The following LUZP2 variants were observed in gnomAD, a reference collection of about 807,000 sequenced individuals.
LUZP2 encodes leucine zipper protein 2.
A neutral mutation model predicts 51.6 loss-of-function variants in LUZP2; 52 were observed. The observed-to-expected ratio is 1.01, with a 90% CI of 0.81 to 1.27. LUZP2 has a LOEUF of 1.27. Ranked by LOEUF, LUZP2 falls within the 50% of genes most tolerant of loss-of-function variation. The pLI, the probability that LUZP2 is intolerant of heterozygous loss-of-function variation, is 0.00. For missense variants in LUZP2, 436 were observed against 395.4 expected, an observed-to-expected ratio of 1.10 and a Z score of -0.87; for synonymous variants, 154 against 137.3, an observed-to-expected ratio of 1.12 and a Z score of -0.85.
At chr11:24,769,780 A>C (rs1231440467) in intron 5 of LUZP2, among the ~76,000 whole-genome samples, 1 of 149,086 alleles carries the variant, frequency 6.7e-6, no homozygotes, top group Non-Finnish European at 1.5e-5. Context: ...AATCACACTA[A>C]ATTCTCTTTT....
At chr11:24,635,098 G>A (rs1855037712) in intron 1 of LUZP2, among the ~76,000 whole-genome samples, 1 of 152,006 alleles carries the variant, frequency 6.6e-6, no homozygotes, top group South Asian at 2.1e-4. Flanking sequence ...CAATGTTAAT[G>A]AGATGGTTAC....
intron 5 of LUZP2, chr11:24,891,311 A>G: frequency 1.0e-6 from 1 of 966,556 alleles, no homozygotes; most frequent in Non-Finnish European, 1.2e-6. Flanking sequence ...ATTATAAGGA[A>G]GCCATATCAC....
intron 5 of LUZP2, among the ~76,000 whole-genome samples, chr11:24,813,694 G>A (rs1057317332): frequency 1.3e-5 from 2 of 152,226 alleles, no homozygotes; most frequent in Non-Finnish European, 2.9e-5. Context: ...TTCAACAGGA[G>A]ATTTGGGTGA....
intron 4 of LUZP2, among the ~76,000 whole-genome samples, chr11:24,745,953 C>T (rs746863328): frequency 9.9e-5 from 15 of 152,258 alleles, no homozygotes; most frequent in Middle Eastern, 3.4e-3. Flanking sequence ...GCTGGAATTA[C>T]AGGCATGAGC....
At chr11:24,520,903 C>G (rs1428738247) in intron 1 of LUZP2, among the ~76,000 whole-genome samples, 1 of 152,158 alleles carries the variant, frequency 6.6e-6, no homozygotes, top group East Asian at 1.9e-4. Flanking sequence ...GGGTTGCAGA[C>G]AAGTCAAGAG....
chr11:24,895,581 T>G (rs564964949), intron 5 of LUZP2, among the ~76,000 whole-genome samples: 2 of 152,326 alleles, frequency 1.3e-5, no homozygotes, highest in South Asian at 2.1e-4. Context: ...TACACAATAT[T>G]TAGCTCCCAT....
chr11:24,556,315 A>C (rs1188721863), intron 1 of LUZP2, among the ~76,000 whole-genome samples: 1 of 152,164 alleles, frequency 6.6e-6, no homozygotes, highest in South Asian at 2.1e-4. Flanking sequence ...ATACTCTTCT[A>C]TTTAACAACT....
intron 5 of LUZP2, chr11:24,893,337 CA>C (rs11286293): frequency 0.56 from 83,307 of 150,028 alleles, 23,145 homozygotes; most frequent in East Asian, 0.78. Flanking sequence ...ATATAAACAG[CA>C]AAAAAAAAAT....
intron 1 of LUZP2, among the ~76,000 whole-genome samples, chr11:24,547,577 G>A (rs867934464): frequency 6.6e-6 from 1 of 151,946 alleles, no homozygotes. Context: ...TCTACTTAAG[G>A]TGAGTTAAAG....
At chr11:24,542,568 G>A (rs1300920641) in intron 1 of LUZP2, among the ~76,000 whole-genome samples, 1 of 151,874 alleles carries the variant, frequency 6.6e-6, no homozygotes, top group Non-Finnish European at 1.5e-5. Context: ...GAGTGTATTG[G>A]GGCAGGGACA....
At chr11:24,916,237 T>G (rs1853785298) in intron 7 of LUZP2, among the ~76,000 whole-genome samples, 2 of 152,226 alleles carry the variant, frequency 1.3e-5, no homozygotes, top group South Asian at 4.1e-4. Context: ...GCCCAGAGAC[T>G]TGAGTTACTT....
intron 1 of LUZP2, among the ~76,000 whole-genome samples, chr11:24,662,206 C>G (rs1275041815): frequency 6.6e-6 from 1 of 151,810 alleles, no homozygotes; most frequent in East Asian, 1.9e-4. Flanking sequence ...AAATAAGAGA[C>G]ATTAAAACAA....
intron 1 of LUZP2, among the ~76,000 whole-genome samples, chr11:24,531,998 A>G (rs891846266): frequency 6.6e-6 from 1 of 151,084 alleles, no homozygotes; most frequent in Non-Finnish European, 1.5e-5. Flanking sequence ...CAATTTTGTT[A>G]AATGAAGAAT....
At chr11:24,863,299 A>C (rs1429018584) in intron 5 of LUZP2, among the ~76,000 whole-genome samples, 1 of 152,206 alleles carries the variant, frequency 6.6e-6, no homozygotes, top group Non-Finnish European at 1.5e-5. Flanking sequence ...GTGGAAGCAA[A>C]CCAAATGTCC....
chr11:25,055,080 G>A (rs1048337982), intron 10 of LUZP2, among the ~76,000 whole-genome samples: 1 of 143,776 alleles, frequency 7.0e-6, no homozygotes, highest in Non-Finnish European at 1.5e-5. Flanking sequence ...GCGCGATCTC[G>A]GCTCACTGCA....
intron 1 of LUZP2, among the ~76,000 whole-genome samples, chr11:24,653,088 T>G (rs577906366): frequency 6.6e-6 from 1 of 152,124 alleles, no homozygotes; most frequent in African/African-American, 2.4e-5. Flanking sequence ...AGTTGGTTTT[T>G]ATTCTAAGAT....
chr11:24,908,005 T>A (rs1001979762), intron 6 of LUZP2, among the ~76,000 whole-genome samples: 1 of 152,178 alleles, frequency 6.6e-6, no homozygotes, highest in African/African-American at 2.4e-5. Flanking sequence ...TTCTCGGTAA[T>A]GGGGCAGGCA....
chr11:24,682,840 C>A (rs1243467009), intron 1 of LUZP2, among the ~76,000 whole-genome samples: 22 of 151,724 alleles, frequency 1.5e-4, no homozygotes, highest in Admixed American at 1.4e-3. Context: ...CCCATCTCTA[C>A]TAAAAAGACA....
intron 1 of LUZP2, among the ~76,000 whole-genome samples, chr11:24,677,177 C>T (rs73435000): frequency 0.013 from 1,940 of 152,248 alleles, 53 homozygotes; most frequent in African/African-American, 0.045. Context: ...AGCTGCCTGG[C>T]ACTATTGTAA....
Sources: gnomAD v4.1 joint callset for allele counts (sites outside exome capture counted in the v4.1 genomes callset) on GRCh38, gnomAD v4.1.1 for gene constraint, MANE v1.5 for transcripts, NCBI Gene and HGNC (gene_info 2026-07-23, HGNC 2026-07-21) for gene names.